Variants in SEMA6D observed in about 807,000 individuals in gnomAD.
The protein encoded by SEMA6D is semaphorin-6D.
A neutral mutation model predicts 106.6 loss-of-function variants in SEMA6D; 35 were observed. That is an observed-to-expected ratio of 0.33 (90% CI 0.25 to 0.44). SEMA6D has a LOEUF of 0.44. Ranked by LOEUF, SEMA6D falls within the 20% of genes least tolerant of loss-of-function variation. The probability of loss-of-function intolerance (pLI) is 1.00; values close to 1 mark genes in which losing one functional copy is unlikely to be tolerated. For synonymous variants in SEMA6D, 499 were observed against 487.7 expected, an observed-to-expected ratio of 1.02 and a Z score of -0.31; for missense variants, 1,185 against 1,345.9, an observed-to-expected ratio of 0.88 and a Z score of 1.87.
At chr15:47,539,613 C>A (rs931983676) in intron 3 of SEMA6D, among the ~76,000 whole-genome samples, 1 of 151,932 alleles carries the variant, frequency 6.6e-6, no homozygotes, top group Non-Finnish European at 1.5e-5. Context: ...TTAGGAGAGA[C>A]GAGGTTTCAC....
chr15:47,527,015 G>A (rs1043957889), intron 3 of SEMA6D, among the ~76,000 whole-genome samples: 1 of 152,172 alleles, frequency 6.6e-6, no homozygotes, highest in Admixed American at 6.6e-5. Flanking sequence ...GGGGTTACAG[G>A]CGTGAGCCAC....
intron 1 of SEMA6D, among the ~76,000 whole-genome samples, chr15:47,184,964 G>C (rs1893453147): frequency 6.6e-6 from 1 of 152,148 alleles, no homozygotes; most frequent in Admixed American, 6.5e-5. Context: ...TGGGTGTAGG[G>C]AACGACCTAC....
At chr15:47,278,128 A>G (rs2034924555) in intron 1 of SEMA6D, among the ~76,000 whole-genome samples, 1 of 151,934 alleles carries the variant, frequency 6.6e-6, no homozygotes, top group Admixed American at 6.6e-5. Flanking sequence ...GTATATACCC[A>G]GTAATGGGAT....
At chr15:47,527,422 G>A (rs901703808) in intron 3 of SEMA6D, among the ~76,000 whole-genome samples, 1 of 152,188 alleles carries the variant, frequency 6.6e-6, no homozygotes, top group African/African-American at 2.4e-5. Context: ...CATATAGATT[G>A]TTCTGGAACT....
intron 3 of SEMA6D, chr15:47,525,615 A>G (rs996279868): frequency 1.3e-5 from 2 of 152,162 alleles, no homozygotes; most frequent in Non-Finnish European, 2.9e-5. Context: ...TCATTTTCCT[A>G]GGGAGCCTCA....
At chr15:47,637,341 G>A (rs1386726795) in intron 4 of SEMA6D, among the ~76,000 whole-genome samples, 2 of 152,208 alleles carry the variant, frequency 1.3e-5, no homozygotes, top group Admixed American at 6.5e-5. Context: ...CCCATGTTTC[G>A]TTCATCACCC....
At chr15:47,520,482 T>C (rs1167070479) in intron 3 of SEMA6D, among the ~76,000 whole-genome samples, 1 of 152,228 alleles carries the variant, frequency 6.6e-6, no homozygotes, top group African/African-American at 2.4e-5. Context: ...TACTCACATC[T>C]TGGACAAGAC....
At chr15:47,680,222 CAT>C (rs886695669) in intron 4 of SEMA6D, among the ~76,000 whole-genome samples, 3 of 152,160 alleles carry the variant, frequency 2.0e-5, no homozygotes, top group African/African-American at 4.8e-5. Context: ...TAGCATATCA[CAT>C]GTTCATAATC....
intron 18 of SEMA6D, among the ~76,000 whole-genome samples, 158 bp downstream of exon 18, chr15:47,768,906 T>C (rs2082489831): frequency 6.6e-6 from 1 of 152,156 alleles, no homozygotes; most frequent in Non-Finnish European, 1.5e-5. Flanking sequence ...TCTGTGGTTA[T>C]ATCTGAGTGC....
At chr15:47,609,203 T>C (rs943801539) in intron 4 of SEMA6D, among the ~76,000 whole-genome samples, 2 of 152,208 alleles carry the variant, frequency 1.3e-5, no homozygotes, top group African/African-American at 4.8e-5. Context: ...TCTGTAACTT[T>C]TGCGTCTATG....
rs142893643 is a variant in SEMA6D at position 47,391,887 on chromosome 15, C to G, written c.-238-20506C>G. On this transcript the variant is annotated intron_variant, in intron 1 of 19. Coordinates refer to the SEMA6D transcript ENST00000558014. Reference sequence around the variant, plus strand: ...CTATTCATATTTACACTTTCCCCCACCTCTGTTCCCTCAATATCTCTCTCT... The same window carrying G: ...CTATTCATATTTACACTTTCCCCCAGCTCTGTTCCCTCAATATCTCTCTCT... Among the ~76,000 whole-genome samples the G allele has an allele frequency of 1.6e-3, 248 of 152,218 alleles. 1 individual carries two copies. Among genetic ancestry groups the G allele is most frequent in the African/African-American group, 5.8e-3 (241 of 41,520 alleles).
chr15:47,739,271 C>T (rs534534378), intron 1 of SEMA6D, among the ~76,000 whole-genome samples: 1 of 152,316 alleles, frequency 6.6e-6, no homozygotes, highest in South Asian at 2.1e-4. Context: ...ATAGTTGGAG[C>T]ACAGTGGACT....
intron 3 of SEMA6D, among the ~76,000 whole-genome samples, chr15:47,504,338 C>T (rs1222441887): frequency 6.6e-6 from 1 of 152,140 alleles, no homozygotes; most frequent in Non-Finnish European, 1.5e-5. Flanking sequence ...GAGTGAGCAG[C>T]CCTGAGTTGT....
At chr15:47,207,850 G>T (rs906472609) in intron 1 of SEMA6D, among the ~76,000 whole-genome samples, 10 of 152,164 alleles carry the variant, frequency 6.6e-5, no homozygotes, top group Middle Eastern at 3.4e-3. Flanking sequence ...AGTACCCTGG[G>T]GAGAGGACTA....
intron 3 of SEMA6D, among the ~76,000 whole-genome samples, chr15:47,555,106 A>G (rs766326725): frequency 6.6e-6 from 1 of 152,190 alleles, no homozygotes; most frequent in Admixed American, 6.5e-5. Flanking sequence ...TACAACAAGT[A>G]AAGGTAGACT....
At chr15:47,266,307 A>G (rs2034314594) in intron 1 of SEMA6D, among the ~76,000 whole-genome samples, 1 of 151,934 alleles carries the variant, frequency 6.6e-6, no homozygotes, top group Non-Finnish European at 1.5e-5. Flanking sequence ...TGCTCCTTTG[A>G]AAAGAAATTA....
Position 47,626,321 on chromosome 15 carries a change from G to A in SEMA6D, c.-55+25425G>A, listed in dbSNP as rs139095994. Among the ~76,000 whole-genome samples the A allele has an allele frequency of 4.3e-3, 648 of 152,282 alleles. 5 individuals carry two copies. Among genetic ancestry groups the A allele is most frequent in the African/African-American group, 0.015 (628 of 41,566 alleles). ...GCTTACTAAGACACTATGGTTTGTG[G>A]TTTATTCTTTTATGAGAATGTGAGT... On this transcript the variant is annotated intron_variant, in intron 4 of 19. Coordinates refer to the SEMA6D transcript ENST00000558014.
intron 1 of SEMA6D, among the ~76,000 whole-genome samples, chr15:47,214,110 A>G (rs900053892): frequency 6.6e-6 from 1 of 152,180 alleles, no homozygotes; most frequent in African/African-American, 2.4e-5. Flanking sequence ...GAGCAATAAG[A>G]TGTCAAGCAA....
upstream of SEMA6D, chr15:47,716,878 G>A (rs1304179719): frequency 4.7e-5 from 6 of 127,204 alleles, no homozygotes; most frequent in Non-Finnish European, 6.2e-5. Context: ...AGCAATGTTT[G>A]ATTGCTTTCT....
Sources: gnomAD v4.1 joint callset for allele counts (sites outside exome capture counted in the v4.1 genomes callset) on GRCh38, gnomAD v4.1.1 for gene constraint, MANE v1.5 for transcripts, NCBI Gene and HGNC (gene_info 2026-07-23, HGNC 2026-07-21) for gene names.